Variants in NCR1 observed in about 807,000 individuals in gnomAD.
NCR1 encodes the protein natural cytotoxicity triggering receptor 1.
In NCR1, 30 loss-of-function variants were observed where a neutral mutation model predicts 32.5. That is an observed-to-expected ratio of 0.92 (90% CI 0.69 to 1.25). The LOEUF (loss-of-function observed/expected upper bound fraction) is 1.25, where lower values mean the gene tolerates loss of function less well. Among genes scored for constraint, NCR1 ranks in the 50% most tolerant of loss-of-function variants. The pLI, the probability that NCR1 is intolerant of heterozygous loss-of-function variation, is 0.00. For missense variants in NCR1, 369 were observed against 380.7 expected (o/e 0.97, Z 0.26); for synonymous variants, 169 against 143.4 (o/e 1.18, Z -1.28).
At chr19:54,924,610 T>C in the NCR1 span, among the ~76,000 whole-genome samples, 10 of 151,348 alleles carry the variant, frequency 6.6e-5, no homozygotes, top group African/African-American at 2.2e-4. Flanking sequence ...GGTAACAGAG[T>C]AAAACATGCC....
At chr19:54,923,761 C>T in the NCR1 span, 7 of 1,613,342 alleles carry the variant, frequency 4.3e-6, no homozygotes, top group Admixed American at 3.3e-5. Flanking sequence ...AGTCACAGCA[C>T]GGAGGTGCCG....
chr19:54,930,493 G>A, the NCR1 span: 13 of 1,588,208 alleles, frequency 8.2e-6, no homozygotes, highest in East Asian at 6.7e-5. Flanking sequence ...AAAGAAAATC[G>A]CCTACCGTAG....
chr19:54,919,728 C>A (rs1333727481), downstream of NCR1, among the ~76,000 whole-genome samples: 5 of 147,880 alleles, frequency 3.4e-5, no homozygotes, highest in Non-Finnish European at 7.5e-5. Flanking sequence ...CCCCCCCCAC[C>A]CGCTGCCCCT....
chr19:54,916,651 C>T (rs1254987558), downstream of NCR1, among the ~76,000 whole-genome samples: 1 of 151,148 alleles, frequency 6.6e-6, no homozygotes, highest in Non-Finnish European at 1.5e-5. Context: ...CTACCACCCC[C>T]AGCCCCTGAT....
intron 5 of NCR1, among the ~76,000 whole-genome samples, chr19:54,911,758 G>A (rs587655533): frequency 3.9e-5 from 6 of 152,230 alleles, no homozygotes; most frequent in East Asian, 1.9e-4. Flanking sequence ...TTGGGAGGCC[G>A]AAGCAGGCAG....
intron 4 of NCR1, among the ~76,000 whole-genome samples, 168 bp from the exon 5 acceptor site, chr19:54,909,850 G>A (rs1340366280): frequency 2.8e-5 from 4 of 145,160 alleles, no homozygotes; most frequent in African/African-American, 5.1e-5. Context: ...CAGGAGAATC[G>A]CTTGAACCCG....
the NCR1 span, among the ~76,000 whole-genome samples, chr19:54,900,951 A>G: frequency 1.3e-5 from 2 of 151,898 alleles, no homozygotes; most frequent in Non-Finnish European, 2.9e-5. Flanking sequence ...GGGTAATTGT[A>G]TGGCATGTAA....
At position 54,913,022 on chromosome 19, in the gene NCR1, A is replaced by T; in HGVS notation, c.*151A>T. The T allele has an allele frequency of 1.6e-6, 1 of 640,264 alleles. No individual in the cohort carries two copies. Among genetic ancestry groups the T allele is most frequent in the East Asian group, 2.9e-5 (1 of 34,416 alleles). The allele number at this position is 640,264 out of a possible 1,614,324, so 39.7% of individuals were successfully genotyped here. A position where few individuals can be genotyped will look rare whatever the true frequency, so the allele number is the denominator to read the frequency against. ...TCCATTTGTCAGAGCATCCCGGACGATGCAGAGGGTGGGAGAACTACATGC... is the reference window on the plus strand; with the variant it reads ...TCCATTTGTCAGAGCATCCCGGACGTTGCAGAGGGTGGGAGAACTACATGC... On this transcript the variant is annotated 3_prime_UTR_variant, in exon 7 of 7. Transcript: ENST00000291890.
downstream of NCR1, among the ~76,000 whole-genome samples, chr19:54,916,922 C>G (rs2068148506): frequency 2.0e-5 from 3 of 151,848 alleles, no homozygotes; most frequent in Non-Finnish European, 4.4e-5. Flanking sequence ...TCTGACTTCT[C>G]ACCTGTGCTC....
chr19:54,919,192 G>T (rs1473764916), downstream of NCR1, among the ~76,000 whole-genome samples: 2 of 151,862 alleles, frequency 1.3e-5, no homozygotes, highest in African/African-American at 4.8e-5. Flanking sequence ...GCGGCGACGA[G>T]AGAGTGTAGA....
At chr19:54,916,338 T>TTTTTTG (rs1556721210), downstream of NCR1, among the ~76,000 whole-genome samples, 555 of 131,916 alleles carry the variant, frequency 4.2e-3, 8 homozygotes, top group African/African-American at 0.011. Flanking sequence ...TTTTTTTTTT[T>TTTTTTG]GAGACGAAGT....
At chr19:54,919,691 T>C (rs1157584009), downstream of NCR1, among the ~76,000 whole-genome samples, 1 of 143,800 alleles carries the variant, frequency 7.0e-6, no homozygotes, top group Non-Finnish European at 1.5e-5. Context: ...GAGTCTTCTC[T>C]AAACTCCCCC....
chr19:54,903,343 CA>C (rs2067342054), upstream of NCR1, among the ~76,000 whole-genome samples: 1 of 109,884 alleles, frequency 9.1e-6, no homozygotes, highest in Non-Finnish European at 1.8e-5. Context: ...TATGTATATA[CA>C]TATATGCATA....
the NCR1 span, chr19:54,933,667 C>G: frequency 6.2e-7 from 1 of 1,614,178 alleles, no homozygotes; most frequent in Non-Finnish European, 8.5e-7. Flanking sequence ...ACAGGTGTGT[C>G]AGCTTCTTGC....
At chr19:54,920,591 C>T (rs2068227812), downstream of NCR1, among the ~76,000 whole-genome samples, 2 of 152,204 alleles carry the variant, frequency 1.3e-5, no homozygotes, top group African/African-American at 2.4e-5. Context: ...CTTTGGGAAG[C>T]GAAGGCAAGG....
chr19:54,929,023 G>A, the NCR1 span, among the ~76,000 whole-genome samples: 1 of 152,094 alleles, frequency 6.6e-6, no homozygotes, highest in South Asian at 2.1e-4. Context: ...TGGAAATAAA[G>A]GTATCACGGT....
chr19:54,898,536 A>C, the NCR1 span, among the ~76,000 whole-genome samples: 1 of 152,166 alleles, frequency 6.6e-6, no homozygotes, highest in African/African-American at 2.4e-5. Flanking sequence ...CTTGAAGGCG[A>C]GGTTAATTAA....
downstream of NCR1, among the ~76,000 whole-genome samples, chr19:54,917,990 T>C (rs180754950): frequency 6.6e-6 from 1 of 152,278 alleles, no homozygotes; most frequent in East Asian, 1.9e-4. Context: ...AGAGTCTTGC[T>C]CTGTCGCCCA....
the NCR1 span, chr19:54,923,570 G>T: frequency 9.4e-6 from 7 of 744,218 alleles, 1 homozygote; most frequent in South Asian, 1.0e-4. Context: ...CATGTGAAGG[G>T]GGTGCGTGAC....
Sources: gnomAD v4.1 joint callset for allele counts (sites outside exome capture counted in the v4.1 genomes callset) on GRCh38, gnomAD v4.1.1 for gene constraint, MANE v1.5 for transcripts, NCBI Gene and HGNC (gene_info 2026-07-23, HGNC 2026-07-21) for gene names.